Variants in MEIS1 observed in about 807,000 individuals in gnomAD.
MEIS1 encodes Meis homeobox 1.
A neutral mutation model predicts 50.8 loss-of-function variants in MEIS1; 5 were observed. The observed-to-expected ratio is 0.10, with a 90% CI of 0.05 to 0.21. The LOEUF (loss-of-function observed/expected upper bound fraction) is 0.21. Ranked by LOEUF, MEIS1 falls within the 10% of genes least tolerant of loss-of-function variation. The pLI, the probability that MEIS1 is intolerant of heterozygous loss-of-function variation, is 1.00. For synonymous variants in MEIS1, 176 were observed against 179.3 expected, an observed-to-expected ratio of 0.98 and a Z score of 0.15; for missense variants, 318 against 517.3, an observed-to-expected ratio of 0.61 and a Z score of 3.74.
chr2:66,449,987 A>G (rs1408726212), intron 6 of MEIS1, among the ~76,000 whole-genome samples: 4 of 152,218 alleles, frequency 2.6e-5, no homozygotes, highest in Non-Finnish European at 5.9e-5. Context: ...TCATGAGTAT[A>G]TACAATCAAA....
chr2:66,488,363 G>T (rs941962204), intron 7 of MEIS1, among the ~76,000 whole-genome samples: 1 of 152,152 alleles, frequency 6.6e-6, no homozygotes, highest in African/African-American at 2.4e-5. Flanking sequence ...ATACTTCTGA[G>T]AATAATATGA....
chr2:66,448,179 CA>C (rs1672196352), intron 6 of MEIS1, among the ~76,000 whole-genome samples: 1 of 151,938 alleles, frequency 6.6e-6, no homozygotes, highest in Non-Finnish European at 1.5e-5. Flanking sequence ...GCCGGGCTTT[CA>C]AAAAAGTAAC....
intron 7 of MEIS1, among the ~76,000 whole-genome samples, chr2:66,468,023 T>A (rs6741943): frequency 0.3 from 45,229 of 152,074 alleles, 9,436 homozygotes; most frequent in African/African-American, 0.59. Flanking sequence ...TCACAGGAGA[T>A]AGAAGTAATA....
intron 7 of MEIS1, among the ~76,000 whole-genome samples, chr2:66,467,604 G>GA (rs10710775): frequency 3.3e-4 from 47 of 141,872 alleles, no homozygotes; most frequent in Admixed American, 5.6e-4. Context: ...TCTAGGAAAA[G>GA]AAAAAAAAAA....
intron 6 of MEIS1, 24 bp downstream of exon 6, chr2:66,443,072 T>C: frequency 6.4e-7 from 1 of 1,558,004 alleles, no homozygotes; most frequent in Admixed American, 2.2e-5. Flanking sequence ...AATTTCAACA[T>C]CCCTGGGAAA....
At chr2:66,532,091 C>G (rs891645552) in intron 8 of MEIS1, among the ~76,000 whole-genome samples, 73 of 152,180 alleles carry the variant, frequency 4.8e-4, no homozygotes, top group African/African-American at 1.7e-3. Flanking sequence ...GGAGTGTCTT[C>G]TGTTCCTATG....
chr2:66,467,457 C>T (rs1246708194), intron 7 of MEIS1, among the ~76,000 whole-genome samples: 1 of 151,800 alleles, frequency 6.6e-6, no homozygotes, highest in African/African-American at 2.4e-5. Context: ...GTTAGCCAGA[C>T]GTGGTGGTGG....
At chr2:66,566,810 C>CAAAAAAA (rs5831821) in intron 9 of MEIS1, among the ~76,000 whole-genome samples, 1 of 138,670 alleles carries the variant, frequency 7.2e-6, no homozygotes, top group Non-Finnish European at 1.5e-5. Flanking sequence ...ACATAAAGAG[C>CAAAAAAA]AAAAAAAAAA....
intron 7 of MEIS1, among the ~76,000 whole-genome samples, chr2:66,498,438 T>C (rs974849557): frequency 1.3e-5 from 2 of 152,178 alleles, no homozygotes; most frequent in African/African-American, 4.8e-5. Flanking sequence ...CCCAAGAAGC[T>C]AAGCTATTCT....
intron 9 of MEIS1, among the ~76,000 whole-genome samples, chr2:66,566,927 C>T (rs1196158287): frequency 6.6e-6 from 1 of 152,072 alleles, no homozygotes; most frequent in Non-Finnish European, 1.5e-5. Context: ...CAGACATTCT[C>T]TCATTTGATG....
intron 2 of MEIS1, 110 bp from the exon 3 acceptor site, chr2:66,439,733 G>A: frequency 5.7e-6 from 9 of 1,588,336 alleles, no homozygotes; most frequent in South Asian, 1.1e-5. Context: ...TGACACAATC[G>A]GAGAGGGGGT....
chr2:66,439,395 G>A (rs751458785), intron 2 of MEIS1: 1 of 1,260,056 alleles, frequency 7.9e-7, no homozygotes, highest in African/African-American at 1.5e-5. Context: ...GATCCCCCGA[G>A]CCTGGGCTTC....
intron 8 of MEIS1, among the ~76,000 whole-genome samples, chr2:66,539,992 A>G (rs1424924138): frequency 6.6e-6 from 1 of 152,172 alleles, no homozygotes; most frequent in Non-Finnish European, 1.5e-5. Context: ...TGGAGAAATG[A>G]GAAACAAATG....
At chr2:66,438,873 C>A (rs1011659982) in intron 2 of MEIS1, among the ~76,000 whole-genome samples, 3 of 151,924 alleles carry the variant, frequency 2.0e-5, no homozygotes. Flanking sequence ...ATTTTCTGAT[C>A]CCTTGTGCGA....
intron 7 of MEIS1, among the ~76,000 whole-genome samples, chr2:66,508,554 G>C (rs1007534811): frequency 6.6e-6 from 1 of 152,244 alleles, no homozygotes; most frequent in African/African-American, 2.4e-5. Flanking sequence ...TGTGCGGCCT[G>C]TGTGTGCGCA....
At chr2:66,557,057 A>G (rs190122451) in intron 9 of MEIS1, among the ~76,000 whole-genome samples, 1 of 152,304 alleles carries the variant, frequency 6.6e-6, no homozygotes, top group East Asian at 1.9e-4. Flanking sequence ...AATTGCAAAT[A>G]ACAAAGGAAT....
intron 7 of MEIS1, among the ~76,000 whole-genome samples, chr2:66,486,738 A>G (rs544488734): frequency 2.0e-5 from 3 of 152,280 alleles, no homozygotes; most frequent in East Asian, 3.9e-4. Context: ...TGAGCATGGA[A>G]TGTTTTTCCA....
At chr2:66,482,836 A>G (rs2103788191) in intron 7 of MEIS1, among the ~76,000 whole-genome samples, 1 of 152,274 alleles carries the variant, frequency 6.6e-6, no homozygotes, top group Admixed American at 6.5e-5. Flanking sequence ...AATATTCCTG[A>G]TGCCATCTAG....
chr2:66,503,514 A>G (rs543523358), intron 7 of MEIS1, among the ~76,000 whole-genome samples: 84 of 152,208 alleles, frequency 5.5e-4, no homozygotes, highest in African/African-American at 2.0e-3. Context: ...CTTTTTTCCA[A>G]TTAAGAGCTT....
Sources: gnomAD v4.1 joint callset for allele counts (sites outside exome capture counted in the v4.1 genomes callset) on GRCh38, gnomAD v4.1.1 for gene constraint, MANE v1.5 for transcripts, NCBI Gene and HGNC (gene_info 2026-07-23, HGNC 2026-07-21) for gene names.